Variants in DAB1 observed in about 807,000 individuals in gnomAD.
The protein encoded by DAB1 is disabled homolog 1.
A neutral mutation model predicts 64.6 loss-of-function variants in DAB1; 15 were observed. That is an observed-to-expected ratio of 0.23 (90% CI 0.16 to 0.36). The LOEUF is 0.36. Ranked by LOEUF, DAB1 falls within the 10% of genes least tolerant of loss-of-function variation. DAB1 has a pLI of 1.00. For missense variants in DAB1, 596 were observed against 706.7 expected (o/e 0.84, Z 1.78); for synonymous variants, 235 against 251.9 (o/e 0.93, Z 0.64).
chr1:57,539,700 T>C (rs1435987710), intron 7 of DAB1, among the ~76,000 whole-genome samples: 1 of 152,096 alleles, frequency 6.6e-6, no homozygotes, highest in Non-Finnish European at 1.5e-5. Context: ...TAATTGAAAA[T>C]ATGATAGGAT....
intron 5 of DAB1, among the ~76,000 whole-genome samples, chr1:58,124,593 T>C (rs1652951724): frequency 6.6e-6 from 1 of 152,186 alleles, no homozygotes; most frequent in South Asian, 2.1e-4. Flanking sequence ...ATGAAGGCCA[T>C]CAGAGAAATG....
intron 2 of DAB1, among the ~76,000 whole-genome samples, chr1:57,175,802 G>A (rs7530049): frequency 0.27 from 41,513 of 152,030 alleles, 9,031 homozygotes; most frequent in African/African-American, 0.61. Context: ...GGTACTGGGC[G>A]CTTTGCTAAA....
chr1:57,095,529 A>G (rs1407239096), intron 4 of DAB1, among the ~76,000 whole-genome samples: 1 of 152,208 alleles, frequency 6.6e-6, no homozygotes, highest in Non-Finnish European at 1.5e-5. Context: ...AAGAAAAGTC[A>G]ACTTTCCAAG....
At chr1:58,250,330 C>G (rs1171589197) in intron 4 of DAB1, among the ~76,000 whole-genome samples, 1 of 152,212 alleles carries the variant, frequency 6.6e-6, no homozygotes, top group Non-Finnish European at 1.5e-5. Context: ...CTTTTGTTCC[C>G]TGGGGCTGGC....
chr1:57,530,420 C>T (rs1004263999), intron 7 of DAB1, among the ~76,000 whole-genome samples: 2 of 152,000 alleles, frequency 1.3e-5, no homozygotes, highest in African/African-American at 4.8e-5. Flanking sequence ...ATGGACAGAA[C>T]GTATGCCATC....
chr1:57,360,701 C>A (rs1679479177), intron 1 of DAB1, among the ~76,000 whole-genome samples: 1 of 151,974 alleles, frequency 6.6e-6, no homozygotes, highest in Admixed American at 6.6e-5. Flanking sequence ...ACACATTGTA[C>A]AAAAATTGCT....
chr1:57,645,127 G>T (rs894155863), intron 7 of DAB1, among the ~76,000 whole-genome samples: 17 of 152,230 alleles, frequency 1.1e-4, no homozygotes, highest in African/African-American at 3.4e-4. Context: ...CAGGATGGCT[G>T]CCACCTCCCT....
intron 2 of DAB1, among the ~76,000 whole-genome samples, chr1:57,159,574 T>C (rs1660545151): frequency 6.6e-6 from 1 of 152,168 alleles, no homozygotes; most frequent in Non-Finnish European, 1.5e-5. Context: ...AGTGGGTACT[T>C]AATATTTGCT....
intron 7 of DAB1, among the ~76,000 whole-genome samples, chr1:57,482,128 G>A (rs1272911380): frequency 6.6e-6 from 1 of 152,024 alleles, no homozygotes; most frequent in Non-Finnish European, 1.5e-5. Flanking sequence ...GGGGAAAAAG[G>A]CCATTTAAAA....
intron 7 of DAB1, among the ~76,000 whole-genome samples, chr1:57,443,751 A>G (rs745745950): frequency 1.3e-5 from 2 of 152,200 alleles, no homozygotes; most frequent in African/African-American, 4.8e-5. Context: ...TGGAACTCCA[A>G]CATATAACTC....
At chr1:58,372,611 T>C (rs1447515942) in intron 3 of DAB1, among the ~76,000 whole-genome samples, 2 of 152,124 alleles carry the variant, frequency 1.3e-5, no homozygotes, top group Non-Finnish European at 2.9e-5. Flanking sequence ...AATAATATGG[T>C]TTGTCTCTAT....
chr1:57,877,120 AC>A (rs1644060172), intron 1 of DAB1, among the ~76,000 whole-genome samples: 1 of 152,154 alleles, frequency 6.6e-6, no homozygotes, highest in African/African-American at 2.4e-5. Context: ...TCACAGTGAT[AC>A]TATAAGGAAG....
chr1:57,117,889 G>C (rs1325703001), intron 4 of DAB1, among the ~76,000 whole-genome samples: 1 of 151,464 alleles, frequency 6.6e-6, no homozygotes, highest in Admixed American at 6.6e-5. Context: ...GTGTGGGGAG[G>C]GGGGATGGTA....
At chr1:58,155,499 T>C (rs535151405) in intron 4 of DAB1, among the ~76,000 whole-genome samples, 2 of 152,292 alleles carry the variant, frequency 1.3e-5, no homozygotes, top group African/African-American at 2.4e-5. Context: ...CAGGAGCAAG[T>C]CCTGCCTGGC....
intron 4 of DAB1, among the ~76,000 whole-genome samples, chr1:57,132,521 G>A (rs1657727335): frequency 6.6e-6 from 1 of 152,072 alleles, no homozygotes; most frequent in African/African-American, 2.4e-5. Flanking sequence ...ATTCTCCCAA[G>A]TCCAAAACTT....
At chr1:57,035,833 CTTTTTTTTTTTTTTTT>C (rs35389635) in intron 9 of DAB1, among the ~76,000 whole-genome samples, 7 of 61,886 alleles carry the variant, frequency 1.1e-4, no homozygotes, top group South Asian at 7.0e-4. Context: ...CGCACATGCA[CTTTTTTTTTTTTTTTT>C]TTTTTTTTTT....
chr1:58,508,384 C>T (rs182902394), intron 2 of DAB1, among the ~76,000 whole-genome samples: 1,661 of 152,272 alleles, frequency 0.011, 32 homozygotes, highest in African/African-American at 0.038. Context: ...CCCACATGAA[C>T]ACACTGATTC....
chr1:57,504,126 G>A (rs2101325887), intron 7 of DAB1, among the ~76,000 whole-genome samples: 1 of 152,286 alleles, frequency 6.6e-6, no homozygotes, highest in South Asian at 2.1e-4. Context: ...TGCTTACTGT[G>A]AGACATCAAA....
intron 7 of DAB1, among the ~76,000 whole-genome samples, chr1:57,547,103 G>A (rs1024272698): frequency 6.7e-6 from 1 of 149,988 alleles, no homozygotes; most frequent in Admixed American, 6.6e-5. Flanking sequence ...GAAAAATAAC[G>A]AAAGAAGGCA....
Sources: allele counts gnomAD v4.1 joint callset (sites outside exome capture counted in the v4.1 genomes callset), GRCh38; gene constraint gnomAD v4.1.1; transcripts MANE v1.5; gene names NCBI Gene and HGNC (gene_info 2026-07-23, HGNC 2026-07-21).